Variants in RBFOX3 observed in about 807,000 individuals in gnomAD.
The protein encoded by RBFOX3 is RNA binding protein fox-1 homolog 3.
In RBFOX3, 17 loss-of-function variants were observed where a neutral mutation model predicts 48.7. That is an observed-to-expected ratio of 0.35 (90% CI 0.24 to 0.52). The LOEUF is 0.52. Among genes scored for constraint, RBFOX3 ranks in the 20% least tolerant of loss-of-function variants. The pLI, the probability that RBFOX3 is intolerant of heterozygous loss-of-function variation, is 0.94. For synonymous variants in RBFOX3, 212 were observed against 209.5 expected (o/e 1.01, Z -0.10); for missense variants, 382 against 497.5 (o/e 0.77, Z 2.21).
At chr17:79,329,165 G>C (rs1207428496) in intron 2 of RBFOX3, among the ~76,000 whole-genome samples, 1 of 152,142 alleles carries the variant, frequency 6.6e-6, no homozygotes, top group African/African-American at 2.4e-5. Context: ...TCTGCTCTGA[G>C]CTTCCCATGG....
chr17:79,508,175 C>T lies in RBFOX3; in HGVS notation c.-319-25577G>A, dbSNP rs912639726. On this transcript the variant is annotated intron_variant, in intron 1 of 14. Transcript: ENST00000693108. The stretch of plus-strand genomic sequence containing the variant: ...TGCATGAAAATGACGGCAGCCCCTG[C>T]GCTCGCTGGCCTTCTAGAAAAGCCC... Among the ~76,000 whole-genome samples, 124 of 152,374 alleles carry T rather than the reference C, an allele frequency of 8.1e-4. 3 individuals carry two copies. In the East Asian group the frequency reaches 0.02, roughly 25 times the overall value.
intron 4 of RBFOX3, among the ~76,000 whole-genome samples, chr17:79,218,066 G>T (rs540412032): frequency 1.3e-5 from 2 of 152,266 alleles, no homozygotes; most frequent in East Asian, 1.9e-4. Context: ...TCAGGTGGAC[G>T]GTGGTACCCA....
chr17:79,291,801 A>T (rs1265409688), intron 3 of RBFOX3, among the ~76,000 whole-genome samples: 1 of 152,154 alleles, frequency 6.6e-6, no homozygotes, highest in East Asian at 1.9e-4. Context: ...AGATGACCTC[A>T]TGTGGTTCCC....
chr17:79,398,247 A>G (rs968536394), intron 2 of RBFOX3, among the ~76,000 whole-genome samples: 1 of 152,050 alleles, frequency 6.6e-6, no homozygotes, highest in Non-Finnish European at 1.5e-5. Flanking sequence ...AACTCCCAGA[A>G]CTGCCCCCCA....
intron 2 of RBFOX3, among the ~76,000 whole-genome samples, chr17:79,385,040 C>T (rs1268377423): frequency 2.0e-5 from 3 of 152,210 alleles, no homozygotes; most frequent in African/African-American, 7.2e-5. Flanking sequence ...TGTGGTGGGA[C>T]CAACATTTCC....
intron 2 of RBFOX3, among the ~76,000 whole-genome samples, chr17:79,468,774 TAGA>T (rs1555755221): frequency 6.5e-4 from 98 of 150,280 alleles, no homozygotes; most frequent in African/African-American, 2.1e-3. Flanking sequence ...GATGGATAGA[TAGA>T]TAGATAGGAA....
At chr17:79,503,793 T>C (rs1014352092) in intron 1 of RBFOX3, among the ~76,000 whole-genome samples, 1 of 152,158 alleles carries the variant, frequency 6.6e-6, no homozygotes, top group Admixed American at 6.5e-5. Flanking sequence ...CTACACAGGC[T>C]CTAAAGCCAC....
chr17:79,604,286 G>A (rs978263874), intron 1 of RBFOX3, among the ~76,000 whole-genome samples: 1 of 152,222 alleles, frequency 6.6e-6, no homozygotes, highest in Non-Finnish European at 1.5e-5. Flanking sequence ...GAGCCCATCA[G>A]GAGCCTGTGC....
chr17:79,352,202 A>G (rs115121127), intron 2 of RBFOX3, among the ~76,000 whole-genome samples: 4,911 of 152,250 alleles, frequency 0.032, 286 homozygotes, highest in African/African-American at 0.11. Flanking sequence ...GGCCTGGTGG[A>G]AGGTGATTGG....
At chr17:79,436,401 G>A (rs953780703) in intron 2 of RBFOX3, among the ~76,000 whole-genome samples, 3 of 152,272 alleles carry the variant, frequency 2.0e-5, no homozygotes, top group Non-Finnish European at 4.4e-5. Flanking sequence ...GAGTACGGTT[G>A]AAGCAGAGGC....
intron 1 of RBFOX3, among the ~76,000 whole-genome samples, chr17:79,568,780 G>A (rs2092559744): frequency 1.3e-5 from 2 of 152,130 alleles, no homozygotes; most frequent in African/African-American, 4.8e-5. Flanking sequence ...AAGGCGACTG[G>A]TTGGCCCATA....
intron 14 of RBFOX3, chr17:79,094,165 T>C (rs543873536): frequency 2.2e-4 from 91 of 413,438 alleles, no homozygotes; most frequent in Admixed American, 3.5e-4. Context: ...CGGGACTTTA[T>C]TATAGTGAGG....
intron 4 of RBFOX3, among the ~76,000 whole-genome samples, chr17:79,133,634 G>A (rs1171334332): frequency 6.6e-6 from 1 of 152,160 alleles, no homozygotes; most frequent in East Asian, 1.9e-4. Context: ...CTCCATCCTT[G>A]CTCAAGTCCT....
At chr17:79,627,295 C>T in the RBFOX3 span, among the ~76,000 whole-genome samples, 1 of 152,322 alleles carries the variant, frequency 6.6e-6, no homozygotes, top group East Asian at 1.9e-4. Flanking sequence ...CATAGCTTCC[C>T]CCACCCCCTG....
intron 4 of RBFOX3, among the ~76,000 whole-genome samples, chr17:79,165,656 G>A (rs1467466835): frequency 1.4e-4 from 21 of 152,210 alleles, no homozygotes; most frequent in Admixed American, 1.4e-3. Context: ...CGGGGTCCCT[G>A]GCTCCTTTCG....
At chr17:79,548,977 A>G (rs2090849505) in intron 1 of RBFOX3, among the ~76,000 whole-genome samples, 1 of 152,240 alleles carries the variant, frequency 6.6e-6, no homozygotes, top group African/African-American at 2.4e-5. Flanking sequence ...GCATAATCTC[A>G]TGCCTTCCTC....
At chr17:79,096,859 C>T in intron 11 of RBFOX3, 26 bp from the exon 12 acceptor site, 1 of 658,968 alleles carries the variant, frequency 1.5e-6, no homozygotes, top group Non-Finnish European at 2.7e-6. Context: ...AATAGAGTAA[C>T]ACCCTTGCTG....
chr17:79,435,027 G>A (rs67021777), intron 2 of RBFOX3, among the ~76,000 whole-genome samples: 79,506 of 151,674 alleles, frequency 0.52, 21,921 homozygotes, highest in Non-Finnish European at 0.62. Context: ...AAAAATACAA[G>A]TTTCTCCTCT....
intron 2 of RBFOX3, among the ~76,000 whole-genome samples, chr17:79,432,071 C>A (rs1273304804): frequency 6.6e-6 from 1 of 152,252 alleles, no homozygotes; most frequent in Admixed American, 6.5e-5. Context: ...TCTGGCTTCT[C>A]TTACGGAGGC....
Sources: allele counts gnomAD v4.1 joint callset (sites outside exome capture counted in the v4.1 genomes callset), GRCh38; gene constraint gnomAD v4.1.1; transcripts MANE v1.5; gene names NCBI Gene and HGNC (gene_info 2026-07-23, HGNC 2026-07-21).